The following TMPRSS3 variants were observed in gnomAD, a reference collection of about 807,000 sequenced individuals.
TMPRSS3 encodes transmembrane protease serine 3.
Under a neutral mutation model 59.6 loss-of-function variants are expected in TMPRSS3, and 55 were observed. That is an observed-to-expected ratio of 0.92 (90% CI 0.74 to 1.16). The LOEUF (loss-of-function observed/expected upper bound fraction) is 1.16. Ranked by LOEUF, TMPRSS3 falls within the 50% of genes most tolerant of loss-of-function variation. The pLI is 0.00. For missense variants in TMPRSS3, 596 were observed against 579.4 expected (o/e 1.03, Z -0.29); for synonymous variants, 257 against 237.7 (o/e 1.08, Z -0.75).
intron 5 of TMPRSS3, 83 bp from the exon 6 acceptor site, chr21:42,385,617 C>T (rs1299803034): frequency 6.4e-7 from 1 of 1,550,970 alleles, no homozygotes; most frequent in Non-Finnish European, 8.9e-7. Flanking sequence ...CACAATATTA[C>T]AGGGATTGTA....
At chr21:42,375,917 G>A (rs377053815) in intron 11 of TMPRSS3, 49 bp from the exon 12 acceptor site, 18 of 1,608,712 alleles carry the variant, frequency 1.1e-5, no homozygotes, top group East Asian at 4.5e-5. Context: ...ACCGCCATGC[G>A]AGATTGCTTT....
chr21:42,395,207 C>G (rs990126026), intron 2 of TMPRSS3, 117 bp downstream of exon 2: 6 of 858,712 alleles, frequency 7.0e-6, no homozygotes, highest in Admixed American at 2.0e-5. Flanking sequence ...AGGTGTCCAG[C>G]CTGTGGGTGT....
At chr21:42,394,582 C>T (rs892061375) in intron 2 of TMPRSS3, among the ~76,000 whole-genome samples, 1 of 152,174 alleles carries the variant, frequency 6.6e-6, no homozygotes, top group East Asian at 1.9e-4. Flanking sequence ...ACCTCCCATC[C>T]TTTCCAAACC....
chr21:42,385,525 A>T lies in TMPRSS3; in HGVS notation c.456T>A (p.Ser152Arg). 1 of 1,614,128 alleles carries T rather than the reference A, an allele frequency of 6.2e-7. No individual in the cohort carries two copies. Among genetic ancestry groups the T allele is most frequent in the Non-Finnish European group, 8.5e-7 (1 of 1,180,006 alleles). The change falls in exon 6 of 13, where the codon AGT becomes AGA. Residue 152 changes from serine to arginine, a missense_variant. Ser to Arg is a moderately radical substitution (Grantham distance 110, BLOSUM62 -1). Transcript: ENST00000644384. ...CAQLGFPSYV[S>R]SDNLRVSSLE... ...GCGAGCTCACTCTGAGGTTATCTGAACTCACATAGCTGCAAGCACATTGGA... is the reference window on the plus strand; with the variant it reads ...GCGAGCTCACTCTGAGGTTATCTGATCTCACATAGCTGCAAGCACATTGGA...
At chr21:42,378,717 G>T (rs778912461) in intron 10 of TMPRSS3, among the ~76,000 whole-genome samples, 38 of 151,766 alleles carry the variant, frequency 2.5e-4, no homozygotes, top group South Asian at 6.2e-4. Context: ...CTTTTTTTTT[G>T]TTTTGTTTTG....
Position 42,372,133 on chromosome 21 carries a change from C to T in TMPRSS3, c.*629G>A, listed in dbSNP as rs1320933727. Reference sequence around the variant, plus strand: ...GTCTTTTCTGAGTGGCTGTTGGTGGCTTTGCACGTGAGGTCACATAACTGC... The same window carrying T: ...GTCTTTTCTGAGTGGCTGTTGGTGGTTTTGCACGTGAGGTCACATAACTGC... On this transcript the variant is annotated 3_prime_UTR_variant, in exon 13 of 13. Transcript: ENST00000644384. 1 of 454,066 alleles carries T rather than the reference C, an allele frequency of 2.2e-6. No homozygotes were observed. Among genetic ancestry groups the T allele is most frequent in the Non-Finnish European group, 4.4e-6 (1 of 226,730 alleles). The allele number at this position is 454,066 out of a possible 1,614,324, so 28.1% of individuals were successfully genotyped here.
intron 2 of TMPRSS3, among the ~76,000 whole-genome samples, chr21:42,392,585 G>A (rs1195052660): frequency 6.6e-6 from 1 of 152,182 alleles, no homozygotes; most frequent in Non-Finnish European, 1.5e-5. Flanking sequence ...TCATGATAAT[G>A]AAGGCCGTTT....
intron 10 of TMPRSS3, among the ~76,000 whole-genome samples, chr21:42,379,113 G>A (rs761285773): frequency 6.6e-6 from 1 of 151,968 alleles, no homozygotes; most frequent in Non-Finnish European, 1.5e-5. Flanking sequence ...TCAAACTCCT[G>A]AACCTCAAAT....
rs1224218355 is a variant in TMPRSS3, at chr21:42,395,354, C to G, written c.64G>C (p.Asp22His). ...PFSFRSLFGL[D>H]DLKISPVAPD... ...GCAACAGGACTTATTTTCAAATCATCAAGGCCAAAAAGCGATCGGAATGAG... is the reference window on the plus strand; with the variant it reads ...GCAACAGGACTTATTTTCAAATCATGAAGGCCAAAAAGCGATCGGAATGAG... The change falls in exon 2 of 13, where the codon GAT becomes CAT. Residue 22 changes from aspartate (D) to histidine (H), a missense_variant. By Grantham distance (81) the Asp-to-His change is moderately conservative. Coordinates refer to ENST00000644384, the MANE Select transcript of TMPRSS3 (RefSeq NM_001256317.3). 1.2e-6 allele frequency: 2 copies of G among 1,614,102 alleles called. No homozygotes were observed. Among genetic ancestry groups the G allele is most frequent in the Non-Finnish European group, 1.7e-6 (2 of 1,180,012 alleles).
intron 3 of TMPRSS3, 45 bp downstream of exon 3, chr21:42,389,882 T>C (rs1419816135): frequency 1.4e-6 from 2 of 1,445,108 alleles, no homozygotes; most frequent in Non-Finnish European, 9.7e-7. Context: ...GTTTAACTAC[T>C]TGGCTAGGTA....
rs142917173 is a variant in TMPRSS3 at position 42,390,031 on chromosome 21, T to A, written c.101A>T (p.Asp34Val). Reference sequence around the variant, plus strand: ...TGACAGGATCTGTGCAGCAACAGCATCTGCATCTGAAAACCAGAAAAAGGA... The same window carrying A: ...TGACAGGATCTGTGCAGCAACAGCAACTGCATCTGAAAACCAGAAAAAGGA... ...LKISPVAPDADAVAAQILSLL... is the reference protein window; with the variant it reads ...LKISPVAPDAVAVAAQILSLL... Residue 34 changes from aspartate (D) to valine (V), a missense_variant, in exon 3 of 13, where the codon GAT becomes GTT. Asp to Val is a radical substitution (Grantham distance 152, BLOSUM62 -3). Transcript: ENST00000644384. 2.5e-6 allele frequency: 4 copies of A among 1,613,526 alleles called. No individual in the cohort carries two copies. Among genetic ancestry groups the A allele is most frequent in the Non-Finnish European group, 3.4e-6 (4 of 1,179,402 alleles).
intron 3 of TMPRSS3, 60 bp downstream of exon 3, chr21:42,389,867 T>A: frequency 1.5e-6 from 2 of 1,314,528 alleles, no homozygotes; most frequent in Non-Finnish European, 2.2e-6. Context: ...GGGGCGCTCA[T>A]GAAAGTTTAA....
chr21:42,394,889 G>A (rs889743036), intron 2 of TMPRSS3, among the ~76,000 whole-genome samples: 1 of 152,226 alleles, frequency 6.6e-6, no homozygotes, highest in African/African-American at 2.4e-5. Context: ...GTTGTTAGGA[G>A]CCACTCCGTC....
chr21:42,393,239 C>T (rs928683404), intron 2 of TMPRSS3, among the ~76,000 whole-genome samples: 4 of 112,934 alleles, frequency 3.5e-5, no homozygotes, highest in Non-Finnish European at 7.1e-5. Context: ...AGCGAGACCT[C>T]GTCTCAAGAA....
chr21:42,372,587 GA>G lies in TMPRSS3; in HGVS notation c.*174del. On this transcript the variant is annotated 3_prime_UTR_variant, in exon 13 of 13. Transcript: ENST00000644384. ...AAAAACAAAAAACAAAAAGCAGCTT[GA>G]AGGTTGTGCTGGAATCAGATGGAAG... is the stretch of plus-strand genomic sequence containing the variant. 1.3e-6 allele frequency: 1 copy of G among 784,536 alleles called. No individual in the cohort carries two copies. Among genetic ancestry groups the G allele is most frequent in the Non-Finnish European group, 2.3e-6 (1 of 429,598 alleles). The allele number at this position is 784,536 out of a possible 1,614,324, so 48.6% of individuals were successfully genotyped here.
At chr21:42,392,244 T>TTG (rs2052743161) in intron 2 of TMPRSS3, among the ~76,000 whole-genome samples, 1 of 152,118 alleles carries the variant, frequency 6.6e-6, no homozygotes, top group African/African-American at 2.4e-5. Flanking sequence ...AGGAGTGTGA[T>TTG]AATGAAATGA....
chr21:42,382,779 G>A (rs2052555570), intron 8 of TMPRSS3: 1 of 570,012 alleles, frequency 1.8e-6, no homozygotes, highest in African/African-American at 1.9e-5. Flanking sequence ...CTCCAGCACA[G>A]GAGCTTCCTT....
At chr21:42,392,536 G>C (rs1004624933) in intron 2 of TMPRSS3, among the ~76,000 whole-genome samples, 1 of 150,672 alleles carries the variant, frequency 6.6e-6, no homozygotes, top group Admixed American at 6.6e-5. Flanking sequence ...GGGACACACA[G>C]TAGTCCTTGA....
intron 3 of TMPRSS3, among the ~76,000 whole-genome samples, chr21:42,389,691 G>C (rs990123576): frequency 6.6e-6 from 1 of 152,190 alleles, no homozygotes; most frequent in Non-Finnish European, 1.5e-5. Flanking sequence ...ACTCCTAACC[G>C]GGCAGGTTCC....
Sources: gnomAD v4.1 joint callset for allele counts (sites outside exome capture counted in the v4.1 genomes callset) on GRCh38, gnomAD v4.1.1 for gene constraint, MANE v1.5 for transcripts, NCBI Gene and HGNC (gene_info 2026-07-23, HGNC 2026-07-21) for gene names.